The following TRAPPC6A variants were observed in gnomAD, a reference collection of about 807,000 sequenced individuals.
TRAPPC6A encodes trafficking protein particle complex subunit 6A, also known as TRAPP complex subunit 6A.
TRAPPC6A carries 25 observed loss-of-function variants against 20.8 expected under a neutral mutation model. The ratio of observed to expected loss-of-function variants is 1.20; its 90% CI spans 0.88 to 1.68. TRAPPC6A has a LOEUF of 1.68. Ranked by LOEUF, TRAPPC6A falls within the 40% of genes most tolerant of loss-of-function variation. The pLI is 0.00. For missense variants in TRAPPC6A, 215 were observed against 211.6 expected, an observed-to-expected ratio of 1.02 and a Z score of -0.10; for synonymous variants, 96 against 93.3, an observed-to-expected ratio of 1.03 and a Z score of -0.16.
In TRAPPC6A at chr19:45,172,120, A is replaced by G. The variant is rs1969280200; in HGVS notation, c.84+6015T>C. 6.6e-6 allele frequency among the ~76,000 whole-genome samples: 1 copy of G among 151,642 alleles called. No individual in the cohort carries two copies. Among genetic ancestry groups the G allele is most frequent in the African/African-American group, 2.4e-5 (1 of 41,150 alleles). ...CCTGTGACAGCCCAGGAGAATGGCC[A>G]CAAATAACCACCGTACCAGGCAGGA... is the stretch of plus-strand genomic sequence containing the variant. On this transcript the variant is annotated intron_variant, in intron 1 of 5. Transcript: ENST00000585934. The surrounding 1 kb of genome is among the most constrained non-coding windows in gnomAD (Gnocchi z 4.2).
chr19:45,167,356 C>T (rs1014846578), intron 1 of TRAPPC6A, among the ~76,000 whole-genome samples: 1 of 152,222 alleles, frequency 6.6e-6, no homozygotes, highest in South Asian at 2.1e-4. Context: ...TGCCATATTT[C>T]TGGTACAAAC....
At chr19:45,166,955 C>T (rs970182217) in intron 1 of TRAPPC6A, among the ~76,000 whole-genome samples, 1 of 152,162 alleles carries the variant, frequency 6.6e-6, no homozygotes, top group Non-Finnish European at 1.5e-5. Flanking sequence ...GCCCAGCTGC[C>T]TCCATCCCTC....
At chr19:45,170,827 A>G (rs939675928) in intron 1 of TRAPPC6A, among the ~76,000 whole-genome samples, 3 of 152,172 alleles carry the variant, frequency 2.0e-5, no homozygotes, top group African/African-American at 7.2e-5. Flanking sequence ...TCCTGGCTGA[A>G]CTGAAAAGGG....
chr19:45,178,092 C>A (rs1294814473), intron 1 of TRAPPC6A, 43 bp downstream of exon 1: 2 of 1,612,206 alleles, frequency 1.2e-6, no homozygotes, highest in African/African-American at 1.3e-5. Context: ...AGAGGCGTTA[C>A]CTTGGTGGCC....
chr19:45,167,993 C>CTTTTT (rs968943946), intron 1 of TRAPPC6A, among the ~76,000 whole-genome samples: 4 of 99,972 alleles, frequency 4.0e-5, no homozygotes, highest in South Asian at 3.6e-4. Context: ...AAGACCCTGT[C>CTTTTT]TTTTTTTTTT....
At chr19:45,167,775 G>A (rs934818059) in intron 1 of TRAPPC6A, among the ~76,000 whole-genome samples, 1 of 152,194 alleles carries the variant, frequency 6.6e-6, no homozygotes, top group Admixed American at 6.5e-5. Context: ...GGGCCATCGC[G>A]CCCAGCTGAG....
rs913947654 is a variant in TRAPPC6A at position 45,165,804 on chromosome 19, G to A, written c.85-610C>T. 9.2e-5 allele frequency among the ~76,000 whole-genome samples: 14 copies of A among 152,188 alleles called. 1 individual carries two copies. Among genetic ancestry groups the A allele is most frequent in the South Asian group, 8.3e-4 (4 of 4,828 alleles). ...AGGGTAGGCCAGGGTCCATACAGGA[G>A]GGGACTGTGCTGGCAGAGGCAGGCC... On this transcript the variant is annotated intron_variant, in intron 1 of 5. Coordinates refer to ENST00000585934, the MANE Select transcript of TRAPPC6A (RefSeq NM_001270891.2).
chr19:45,166,629 T>C (rs1168772230), intron 1 of TRAPPC6A, among the ~76,000 whole-genome samples: 1 of 151,990 alleles, frequency 6.6e-6, no homozygotes, highest in Non-Finnish European at 1.5e-5. Flanking sequence ...CGCCAGGTTT[T>C]TCAGAGAAAG....
chr19:45,178,018 G>A (rs1349973254), intron 1 of TRAPPC6A, 117 bp downstream of exon 1: 5 of 1,544,976 alleles, frequency 3.2e-6, no homozygotes, highest in Non-Finnish European at 4.4e-6. Flanking sequence ...GCCAGACGTT[G>A]CCCTGCAAGG....
At chr19:45,166,527 T>G (rs1354026893) in intron 1 of TRAPPC6A, among the ~76,000 whole-genome samples, 3 of 151,734 alleles carry the variant, frequency 2.0e-5, no homozygotes. Flanking sequence ...TTTTTTTTTT[T>G]TTTTTCATTC....
At chr19:45,175,054 G>T (rs1166615340) in intron 1 of TRAPPC6A, among the ~76,000 whole-genome samples, 2 of 151,804 alleles carry the variant, frequency 1.3e-5, no homozygotes, top group African/African-American at 4.8e-5. Flanking sequence ...AAGGTCAGGA[G>T]ATCGAGACCA....
At position 45,164,911 on chromosome 19, in the gene TRAPPC6A, T is replaced by G. The variant is rs777561989; in HGVS notation, c.212A>C (p.Lys71Thr). The G allele has an allele frequency of 1.9e-6, 3 of 1,614,130 alleles. No homozygotes were observed. Among genetic ancestry groups the G allele is most frequent in the Non-Finnish European group, 8.5e-7 (1 of 1,179,986 alleles). Residue 71 changes from lysine to threonine, a missense_variant, in exon 3 of 6, where the codon AAA (lysine) becomes ACA (threonine). Physicochemically the swap from Lys to Thr is moderately conservative, Grantham distance 78. Coordinates refer to ENST00000585934, the MANE Select transcript of TRAPPC6A (RefSeq NM_001270891.2). ...EELDVLKFLC[K>T]DLWVAVFQKQ... The stretch of plus-strand genomic sequence containing the variant: ...CTGGAACACCGCCACCCACAGGTCT[T>G]TGCACAAGAACTTGAGGACATCCAG...
At chr19:45,177,117 C>G (rs1221340594) in intron 1 of TRAPPC6A, among the ~76,000 whole-genome samples, 1 of 152,068 alleles carries the variant, frequency 6.6e-6, no homozygotes, top group Non-Finnish European at 1.5e-5. Context: ...CCCAGGAGGT[C>G]GAGGCAGCAG....
chr19:45,175,413 C>T (rs953977604), intron 1 of TRAPPC6A, among the ~76,000 whole-genome samples: 6 of 147,380 alleles, frequency 4.1e-5, no homozygotes, highest in African/African-American at 1.5e-4. Flanking sequence ...GGCGACAGAG[C>T]GAGACTCCGT....
At chr19:45,170,940 G>C (rs1035453123) in intron 1 of TRAPPC6A, among the ~76,000 whole-genome samples, 1 of 152,234 alleles carries the variant, frequency 6.6e-6, no homozygotes, top group African/African-American at 2.4e-5. Context: ...TCATCACAGC[G>C]AGACCTGGTG....
chr19:45,165,012 G>C (rs1213981050), intron 2 of TRAPPC6A, 42 bp from the exon 3 acceptor site: 14 of 1,609,182 alleles, frequency 8.7e-6, no homozygotes, highest in Admixed American at 8.3e-5. Context: ...GGCCAGGCCA[G>C]GAAGAGGGAG....
intron 1 of TRAPPC6A, among the ~76,000 whole-genome samples, chr19:45,177,405 A>C (rs546411791): frequency 1.3e-5 from 2 of 152,000 alleles, no homozygotes; most frequent in Non-Finnish European, 2.9e-5. Flanking sequence ...CAATGGCACA[A>C]TCTTGGCTCA....
chr19:45,175,663 C>T (rs978024490), intron 1 of TRAPPC6A, among the ~76,000 whole-genome samples: 1 of 152,024 alleles, frequency 6.6e-6, no homozygotes, highest in African/African-American at 2.4e-5. Context: ...GCTCATTTCA[C>T]AGGAGAGCGG....
At position 45,163,919 on chromosome 19, in the gene TRAPPC6A, C is replaced by G; in HGVS notation, c.445G>C (p.Val149Leu). The G allele has an allele frequency of 6.4e-7, 1 of 1,574,514 alleles. No homozygotes were observed. The highest frequency in any genetic ancestry group is 8.6e-7 in the Non-Finnish European group (1 of 1,159,788). Residue 149 changes from valine (V) to leucine (L), a missense_variant, in exon 5 of 6, where the codon GTC becomes CTC. Coordinates refer to ENST00000585934, the MANE Select transcript of TRAPPC6A (RefSeq NM_001270891.2). The surrounding 1 kb of genome is among the most constrained non-coding windows in gnomAD (Gnocchi z 5.3). ...VVTASVAALP[V>L]CKFQVVIPKS is the part of the protein sequence containing the mutation. The stretch of plus-strand genomic sequence containing the variant: ...CCCCCCACCCCCCATGACTCACAGA[C>G]GGGCAGGGCTGCCACGGAGGCGGTG...
Sources: gnomAD v4.1 joint callset for allele counts (sites outside exome capture counted in the v4.1 genomes callset) on GRCh38, gnomAD v4.1.1 for gene constraint, Gnocchi (gnomAD v3.1) non-coding constraint, MANE v1.5 for transcripts, NCBI Gene and HGNC (gene_info 2026-07-23, HGNC 2026-07-21) for gene names.